Variants in NIPAL2 observed in about 807,000 individuals in gnomAD.
NIPAL2 encodes the protein NIPA like domain containing 2, also known as NIPA-like protein 2.
A neutral mutation model predicts 48.9 loss-of-function variants in NIPAL2; 43 were observed. The ratio of observed to expected loss-of-function variants is 0.88; its 90% CI spans 0.69 to 1.13. The LOEUF is 1.13. NIPAL2 is among the 50% of genes most tolerant of loss of function. The probability of loss-of-function intolerance (pLI) is 0.00; values close to 1 mark genes in which losing one functional copy is unlikely to be tolerated. For synonymous variants in NIPAL2, 167 were observed against 174.6 expected, an observed-to-expected ratio of 0.96 and a Z score of 0.34; for missense variants, 446 against 461.4, an observed-to-expected ratio of 0.97 and a Z score of 0.31.
chr8:98,192,912 T>A lies in NIPAL2; in HGVS notation c.*66A>T, dbSNP rs576339039. On this transcript the variant is annotated 3_prime_UTR_variant, in exon 11 of 11. Transcript: ENST00000430223. ...TTATAAAAGAGCTGCTGACACAAAT[T>A]GAACATGTGCAATTTTTTAAAAAGG... is the stretch of plus-strand genomic sequence containing the variant. 33 of 964,886 alleles carry A rather than the reference T, an allele frequency of 3.4e-5. No homozygotes were observed. In the South Asian group the frequency reaches 4.1e-4, roughly 12 times the overall value. The allele number at this position is 964,886 out of a possible 1,614,324, so 59.8% of individuals were successfully genotyped here. A position where few individuals can be genotyped will look rare whatever the true frequency, so the allele number is the denominator to read the frequency against.
chr8:98,194,945 A>C, intron 9 of NIPAL2, 123 bp from the exon 10 acceptor site: 36 of 518,942 alleles, frequency 6.9e-5, no homozygotes, highest in Non-Finnish European at 1.1e-4. Flanking sequence ...CCAGTTTCTC[A>C]TGGTAAGCTT....
intron 3 of NIPAL2, among the ~76,000 whole-genome samples, chr8:98,242,914 A>T (rs1369584868): frequency 6.6e-6 from 1 of 152,236 alleles, no homozygotes; most frequent in African/African-American, 2.4e-5. Flanking sequence ...ATAAACATAT[A>T]AAATTATTTG....
chr8:98,241,470 A>C (rs372534846), intron 3 of NIPAL2, among the ~76,000 whole-genome samples: 1 of 152,236 alleles, frequency 6.6e-6, no homozygotes, highest in Admixed American at 6.5e-5. Flanking sequence ...TGATTTTACA[A>C]TATCTATCAA....
chr8:98,262,847 A>G (rs1038423096), intron 1 of NIPAL2, among the ~76,000 whole-genome samples: 4 of 152,192 alleles, frequency 2.6e-5, no homozygotes, highest in Non-Finnish European at 5.9e-5. Context: ...ACCGCACCAC[A>G]CCTGTTCCAA....
chr8:98,253,683 G>A (rs1813720862), intron 2 of NIPAL2, among the ~76,000 whole-genome samples: 2 of 152,118 alleles, frequency 1.3e-5, no homozygotes, highest in South Asian at 4.1e-4. Context: ...CCCATCTGGG[G>A]TAAAGGCTAT....
In NIPAL2 at chr8:98,193,616, C is replaced by T. The variant is rs111390941; in HGVS notation, c.1040-526G>A. On this transcript the variant is annotated intron_variant, in intron 10 of 10. Transcript: ENST00000430223. The stretch of plus-strand genomic sequence containing the variant: ...GGCGAATCATTTGAGGTCAGGAATT[C>T]GAGACCAGCCTGGCCAACATGGTGA... Among the ~76,000 whole-genome samples, 1,137 of 152,056 alleles carry T rather than the reference C, an allele frequency of 7.5e-3. 11 individuals are homozygous for T. Among genetic ancestry groups the T allele is most frequent in the African/African-American group, 0.025 (1,052 of 41,480 alleles).
intron 6 of NIPAL2, among the ~76,000 whole-genome samples, chr8:98,206,323 T>G (rs1216629575): frequency 6.6e-6 from 1 of 151,224 alleles, no homozygotes; most frequent in Non-Finnish European, 1.5e-5. Flanking sequence ...TGTGTATATA[T>G]ATATATGTAT....
rs145123316 is a variant in NIPAL2 at position 98,212,483 on chromosome 8, A to T, written c.577T>A (p.Phe193Ile). Reference protein sequence around the residue: ...LIYVILEILIFCILLYFYKRK... With the variant: ...LIYVILEILIICILLYFYKRK... ...TTATAGAAATACAGGAGAATGCAGA[A>T]AATTAATATTTCTAAAATCTAGAAA... is the stretch of plus-strand genomic sequence containing the variant. Residue 193 changes from phenylalanine (F) to isoleucine (I), a missense_variant, in exon 6 of 11, where the codon TTC becomes ATC. Coordinates refer to ENST00000430223, the MANE Select transcript of NIPAL2 (RefSeq NM_001321635.2). 2.7e-6 allele frequency: 4 copies of T among 1,458,176 alleles called. No individual in the cohort carries two copies. The East Asian group carries it at 9.0e-5, about 33-fold the overall frequency. The allele number at this position is 1,458,176 out of a possible 1,614,324, so 90.3% of individuals were successfully genotyped here.
intron 6 of NIPAL2, among the ~76,000 whole-genome samples, chr8:98,209,500 C>T (rs368231840): frequency 1.3e-5 from 2 of 150,452 alleles, no homozygotes; most frequent in Non-Finnish European, 2.9e-5. Flanking sequence ...CATCTGTAGT[C>T]CCAGCTACTC....
intron 3 of NIPAL2, among the ~76,000 whole-genome samples, chr8:98,244,314 G>A (rs1391571468): frequency 1.1e-5 from 1 of 91,782 alleles, no homozygotes; most frequent in African/African-American, 4.2e-5. Context: ...GAGGGTGGGC[G>A]TGGTGATGAG....
At chr8:98,287,876 A>G (rs1308768850) in intron 1 of NIPAL2, among the ~76,000 whole-genome samples, 3 of 152,240 alleles carry the variant, frequency 2.0e-5, no homozygotes, top group Non-Finnish European at 4.4e-5. Flanking sequence ...AAGGTAAGTT[A>G]TCAAATGTCA....
chr8:98,199,048 C>T (rs1052325803), intron 8 of NIPAL2, among the ~76,000 whole-genome samples: 7 of 151,870 alleles, frequency 4.6e-5, no homozygotes, highest in Admixed American at 3.9e-4. Context: ...CCTCCGCCTC[C>T]TGGGTTCAAG....
At chr8:98,291,507 A>G (rs1816486819) in intron 1 of NIPAL2, among the ~76,000 whole-genome samples, 1 of 152,158 alleles carries the variant, frequency 6.6e-6, no homozygotes, top group African/African-American at 2.4e-5. Context: ...CATGACACTT[A>G]CAACATACTG....
rs755403694 is a variant in NIPAL2 at position 98,193,313 on chromosome 8, C to G, written c.1040-223G>C. The G allele has an allele frequency of 5.8e-6, 9 of 1,548,962 alleles. No individual in the cohort carries two copies. The African/African-American group carries it at 9.5e-5, about 16-fold the overall frequency. On this transcript the variant is annotated intron_variant, in intron 10 of 10. Transcript: ENST00000430223. ...TGTGTCAGAGCCACTATCCCCACCC[C>G]ACAGGATCTACATGCTGGCCATGGA...
chr8:98,223,411 A>G (rs184203297), intron 4 of NIPAL2, among the ~76,000 whole-genome samples: 2 of 152,264 alleles, frequency 1.3e-5, no homozygotes, highest in East Asian at 3.9e-4. Flanking sequence ...ATAATGTTGA[A>G]AACTGCTTAT....
At chr8:98,237,933 A>T (rs1336123048) in intron 3 of NIPAL2, among the ~76,000 whole-genome samples, 2 of 152,198 alleles carry the variant, frequency 1.3e-5, no homozygotes, top group Non-Finnish European at 2.9e-5. Context: ...ATGTCTTTTT[A>T]TTCTTCTAAG....
chr8:98,293,615 A>G (rs1027053827), intron 1 of NIPAL2, among the ~76,000 whole-genome samples: 1 of 152,054 alleles, frequency 6.6e-6, no homozygotes, highest in Non-Finnish European at 1.5e-5. Flanking sequence ...CTTTTCTTTT[A>G]ACTGTAAAAG....
intron 1 of NIPAL2, among the ~76,000 whole-genome samples, chr8:98,287,694 T>C (rs1291301634): frequency 6.6e-6 from 1 of 152,232 alleles, no homozygotes; most frequent in Non-Finnish European, 1.5e-5. Context: ...ATTTTGTGCC[T>C]ACAACAACTC....
intron 6 of NIPAL2, among the ~76,000 whole-genome samples, chr8:98,205,673 TAGATG>T (rs1437383745): frequency 6.6e-6 from 1 of 152,142 alleles, no homozygotes; most frequent in Non-Finnish European, 1.5e-5. Flanking sequence ...AAAAACCAAG[TAGATG>T]AGAAGACTGG....
Sources: gnomAD v4.1 joint callset for allele counts (sites outside exome capture counted in the v4.1 genomes callset) on GRCh38, gnomAD v4.1.1 for gene constraint, MANE v1.5 for transcripts, NCBI Gene and HGNC (gene_info 2026-07-23, HGNC 2026-07-21) for gene names.